The following NAALADL2 variants were observed in gnomAD, a reference collection of about 807,000 sequenced individuals.
The protein encoded by NAALADL2 is inactive N-acetylated-alpha-linked acidic dipeptidase-like protein 2.
Under a neutral mutation model 87.2 loss-of-function variants are expected in NAALADL2, and 76 were observed. That is an observed-to-expected ratio of 0.87 (90% CI 0.72 to 1.05). The LOEUF is 1.05. Ranked by LOEUF, NAALADL2 falls within the 50% of genes least tolerant of loss-of-function variation. NAALADL2 has a pLI of 0.00. For missense variants in NAALADL2, 1,089 were observed against 945.8 expected, an observed-to-expected ratio of 1.15 and a Z score of -1.99; for synonymous variants, 354 against 331.0, an observed-to-expected ratio of 1.07 and a Z score of -0.75.
Position 175,107,995 on chromosome 3 carries a change from A to T in NAALADL2, c.545+10704A>T, listed in dbSNP as rs187227416. Among the ~76,000 whole-genome samples the T allele has an allele frequency of 2.5e-3, 380 of 152,056 alleles. 1 individual carries two copies. Among genetic ancestry groups the T allele is most frequent in the African/African-American group, 7.7e-3 (320 of 41,524 alleles). On this transcript the variant is annotated intron_variant, in intron 2 of 13. Coordinates refer to ENST00000454872, the MANE Select transcript of NAALADL2 (RefSeq NM_207015.3). ...TATTGAAGTTCTCTTTCCTTTCATTATAACTGGAGAAAATATATTAAATTT... is the reference window on the plus strand; with the variant it reads ...TATTGAAGTTCTCTTTCCTTTCATTTTAACTGGAGAAAATATATTAAATTT...
chr3:175,618,736 C>G (rs1230140542), intron 10 of NAALADL2, among the ~76,000 whole-genome samples: 2 of 152,128 alleles, frequency 1.3e-5, no homozygotes, highest in African/African-American at 4.8e-5. Context: ...TCCCAGCGCC[C>G]TTGCAAGTGC....
chr3:175,179,782 G>A (rs574641815), intron 2 of NAALADL2, among the ~76,000 whole-genome samples: 1 of 151,744 alleles, frequency 6.6e-6, no homozygotes, highest in South Asian at 2.1e-4. Context: ...GTTTTATTTT[G>A]TTGCATTTCA....
At position 174,553,749 on chromosome 3, in the gene NAALADL2, C is replaced by A. The variant is rs117465973; in HGVS notation, c.-115+3112C>A. 9.9e-5 allele frequency among the ~76,000 whole-genome samples: 15 copies of A among 152,178 alleles called. No individual in the cohort carries two copies. The East Asian group carries it at 2.5e-3, about 25-fold the overall frequency. On this transcript the variant is annotated intron_variant, in intron 2 of 3. Coordinates refer to the NAALADL2 transcript ENST00000434257. ...GATTTCATCTGGGAATGAAAAAATTCTTGAAAAAGTTGAGTATATGTGGTT... is the reference window on the plus strand; with the variant it reads ...GATTTCATCTGGGAATGAAAAAATTATTGAAAAAGTTGAGTATATGTGGTT...
intron 1 of NAALADL2, among the ~76,000 whole-genome samples, chr3:174,540,299 G>A (rs1238869322): frequency 6.6e-6 from 1 of 152,154 alleles, no homozygotes; most frequent in Non-Finnish European, 1.5e-5. Context: ...CCAGGTGGTG[G>A]TAACTGTATG....
At chr3:175,377,411 T>C (rs1767265743) in intron 5 of NAALADL2, among the ~76,000 whole-genome samples, 1 of 152,198 alleles carries the variant, frequency 6.6e-6, no homozygotes. Flanking sequence ...TGTTCTTACT[T>C]TTTTCTTAGG....
chr3:174,943,331 G>C (rs1169614281), intron 1 of NAALADL2, among the ~76,000 whole-genome samples: 1 of 152,120 alleles, frequency 6.6e-6, no homozygotes, highest in African/African-American at 2.4e-5. Context: ...GAAGCTTTGG[G>C]GTATGCTCCA....
intron 11 of NAALADL2, among the ~76,000 whole-genome samples, chr3:175,681,626 G>T (rs1204994813): frequency 6.6e-6 from 1 of 152,116 alleles, no homozygotes; most frequent in African/African-American, 2.4e-5. Context: ...GTTCAAAATG[G>T]CTGTTTTGAT....
chr3:175,627,007 A>G (rs562057312), intron 10 of NAALADL2, among the ~76,000 whole-genome samples: 1 of 151,916 alleles, frequency 6.6e-6, no homozygotes, highest in East Asian at 1.9e-4. Context: ...AATATTTAAG[A>G]TTTTCTGTCC....
intron 2 of NAALADL2, among the ~76,000 whole-genome samples, chr3:175,180,910 A>T (rs1372994802): frequency 1.3e-5 from 2 of 152,040 alleles, no homozygotes; most frequent in East Asian, 3.9e-4. Context: ...ATTTGCCCAA[A>T]GTCACATAGG....
intron 1 of NAALADL2, among the ~76,000 whole-genome samples, chr3:174,883,490 T>C (rs1384583253): frequency 6.6e-6 from 1 of 152,162 alleles, no homozygotes; most frequent in Non-Finnish European, 1.5e-5. Context: ...TACTATTACA[T>C]AAAGCTAGCA....
intron 3 of NAALADL2, among the ~76,000 whole-genome samples, chr3:174,830,038 T>G: frequency 2.4e-5 from 3 of 125,090 alleles, no homozygotes; most frequent in African/African-American, 9.7e-5. Flanking sequence ...ATGAGTAGGT[T>G]GTGAAAATTT....
At chr3:175,062,876 A>G (rs1367604877) in intron 1 of NAALADL2, among the ~76,000 whole-genome samples, 1 of 152,160 alleles carries the variant, frequency 6.6e-6, no homozygotes, top group African/African-American at 2.4e-5. Context: ...TGCAAGGGAA[A>G]TCATACTTGG....
intron 1 of NAALADL2, among the ~76,000 whole-genome samples, chr3:175,034,080 C>A (rs571938352): frequency 6.6e-6 from 1 of 152,166 alleles, no homozygotes; most frequent in Non-Finnish European, 1.5e-5. Context: ...AATCTTCTTT[C>A]TCTCATGCCA....
At chr3:174,574,729 A>G (rs1232810810) in intron 2 of NAALADL2, among the ~76,000 whole-genome samples, 1 of 152,166 alleles carries the variant, frequency 6.6e-6, no homozygotes, top group African/African-American at 2.4e-5. Context: ...GCAAATATCT[A>G]TCACAAGTTC....
At chr3:174,724,812 T>C (rs1732033337) in intron 2 of NAALADL2, among the ~76,000 whole-genome samples, 1 of 152,192 alleles carries the variant, frequency 6.6e-6, no homozygotes, top group Non-Finnish European at 1.5e-5. Context: ...ATCTGTCATG[T>C]CGAAATGGTA....
At chr3:175,502,352 A>C (rs1729673602) in intron 9 of NAALADL2, among the ~76,000 whole-genome samples, 1 of 152,102 alleles carries the variant, frequency 6.6e-6, no homozygotes, top group Non-Finnish European at 1.5e-5. Flanking sequence ...ACCCTCATGC[A>C]ATCAGTTGAA....
At chr3:175,296,675 A>C in intron 4 of NAALADL2, among the ~76,000 whole-genome samples, 1 of 152,136 alleles carries the variant, frequency 6.6e-6, no homozygotes, top group East Asian at 1.9e-4. Flanking sequence ...CCATATCCAA[A>C]CCTTAATGTT....
intron 1 of NAALADL2, among the ~76,000 whole-genome samples, chr3:174,988,357 A>G (rs1273450212): frequency 6.6e-6 from 1 of 152,232 alleles, no homozygotes; most frequent in African/African-American, 2.4e-5. Flanking sequence ...TATAGTCAGG[A>G]CTTATATTAC....
chr3:175,317,217 C>T (rs531062150), intron 4 of NAALADL2, among the ~76,000 whole-genome samples: 232 of 152,158 alleles, frequency 1.5e-3, no homozygotes, highest in South Asian at 3.1e-3. Context: ...GCAATTCTAG[C>T]TTGATACTTT....
Sources: allele counts gnomAD v4.1 joint callset (sites outside exome capture counted in the v4.1 genomes callset), GRCh38; gene constraint gnomAD v4.1.1; transcripts MANE v1.5; gene names NCBI Gene and HGNC (gene_info 2026-07-23, HGNC 2026-07-21).